Variants in DNAJB13 observed in about 807,000 individuals in gnomAD.
DNAJB13 encodes dnaJ homolog subfamily B member 13.
Under a neutral mutation model 35.6 loss-of-function variants are expected in DNAJB13, and 22 were observed. That is an observed-to-expected ratio of 0.62 (90% CI 0.44 to 0.88). The LOEUF is 0.88. Among genes scored for constraint, DNAJB13 ranks in the 40% least tolerant of loss-of-function variants. The pLI is 0.00. For synonymous variants in DNAJB13, 136 were observed against 144.2 expected (o/e 0.94, Z 0.41); for missense variants, 370 against 384.3 (o/e 0.96, Z 0.31).
intron 3 of DNAJB13, 96 bp downstream of exon 3, chr11:73,959,751 T>C (rs1591184677): frequency 1.7e-6 from 1 of 580,214 alleles, no homozygotes; most frequent in Non-Finnish European, 2.1e-6. Context: ...TTTTACTTTA[T>C]TATTTTATTT....
At position 73,954,037 on chromosome 11, in the gene DNAJB13, A is replaced by ATT. The variant is rs1373411743; in HGVS notation, c.68+2900_68+2901insTT. ...TAATAATAATAATAATAATAATAAT[A>ATT]ATAATGGCTGGACACAGTGGCTCAC... On this transcript the variant is annotated intron_variant, in intron 1 of 7. Transcript: ENST00000339764. Among the ~76,000 whole-genome samples, 329 of 145,496 alleles carry ATT rather than the reference A, an allele frequency of 2.3e-3. 3 individuals are homozygous for ATT. The highest frequency in any genetic ancestry group is 7.8e-3 in the African/African-American group (302 of 38,770).
rs1234978617 is a variant in DNAJB13 at position 73,958,571 on chromosome 11, C to T, written c.172+151C>T. On this transcript the variant is annotated intron_variant, in intron 2 of 7. Transcript: ENST00000339764. ...ACACAGAGAAGACAGAATACGGACC[C>T]GCCTTTCTCAGTAGAAGCAAGCTGA... 1.4e-5 allele frequency: 11 copies of T among 778,774 alleles called. No individual in the cohort carries two copies. In the South Asian group the frequency reaches 1.6e-4, roughly 11 times the overall value. The allele number at this position is 778,774 out of a possible 1,614,324, so 48.2% of individuals were successfully genotyped here.
Position 73,965,009 on chromosome 11 carries a change from A to C in DNAJB13, c.466A>C (p.Thr156Pro), listed in dbSNP as rs1371327065. ...LSLEDLFFGC[T>P]KKIKISRRVL... The stretch of plus-strand genomic sequence containing the variant: ...CCTGGAGGACTTATTCTTTGGCTGC[A>C]CCAAAAAAATTAAGATCTCCAGAAG... Residue 156 changes from threonine (T) to proline (P), a missense_variant, in exon 4 of 8, where the codon ACC (threonine) becomes CCC (proline). Coordinates refer to ENST00000339764, the MANE Select transcript of DNAJB13 (RefSeq NM_153614.4). The C allele has an allele frequency of 6.3e-7, 1 of 1,596,346 alleles. No individual in the cohort carries two copies.
rs368638172 is a variant in DNAJB13 at position 73,966,104 on chromosome 11, A to G, written c.493-34A>G. Reference sequence around the variant, plus strand: ...CTCGACTGTACTCATGGAAGTCCTAAGCAGACCTCCCCACACCTGATATGT... The same window carrying G: ...CTCGACTGTACTCATGGAAGTCCTAGGCAGACCTCCCCACACCTGATATGT... On this transcript the variant is annotated intron_variant, in intron 4 of 7. Transcript: ENST00000339764. 6.3e-6 allele frequency: 10 copies of G among 1,585,324 alleles called. No homozygotes were observed. The African/African-American group carries it at 1.3e-4, about 21-fold the overall frequency.
Position 73,966,036 on chromosome 11 carries a change from G to A in DNAJB13, c.493-102G>A, listed in dbSNP as rs552102773. 85 of 1,031,800 alleles carry A rather than the reference G, an allele frequency of 8.2e-5. No homozygotes were observed. In the African/African-American group the frequency reaches 1.1e-3, roughly 13 times the overall value. 63.9% of individuals were successfully genotyped at this position (1,031,800 alleles called of 1,614,324 possible). On this transcript the variant is annotated intron_variant, in intron 4 of 7. Coordinates refer to ENST00000339764, the MANE Select transcript of DNAJB13 (RefSeq NM_153614.4). ...ACAAATCCCATAGAGCATCTTTCAC[G>A]TGTGCAAAGGTCACCTGAGTGTTCA...
chr11:73,970,194 C>G lies in DNAJB13; in HGVS notation c.*80C>G, dbSNP rs1951242316. 1 of 1,496,824 alleles carries G rather than the reference C, an allele frequency of 6.7e-7. No homozygotes were observed. Among genetic ancestry groups the G allele is most frequent in the Non-Finnish European group, 8.9e-7 (1 of 1,117,642 alleles). The allele number at this position is 1,496,824 out of a possible 1,614,324, so 92.7% of individuals were successfully genotyped here. On this transcript the variant is annotated 3_prime_UTR_variant, in exon 8 of 8. Transcript: ENST00000339764. The stretch of plus-strand genomic sequence containing the variant: ...CTACCCGCCACAGCCTCAGGGTGTG[C>G]AGGGGAGCCTGCTGCACAGATATGA...
chr11:73,953,363 A>G (rs1565166251), intron 1 of DNAJB13, among the ~76,000 whole-genome samples: 1 of 152,160 alleles, frequency 6.6e-6, no homozygotes, highest in African/African-American at 2.4e-5. Context: ...CCTCTCAGAC[A>G]CCGAGTTGTA....
chr11:73,968,034 G>A, intron 5 of DNAJB13: 3 of 493,436 alleles, frequency 6.1e-6, no homozygotes, highest in South Asian at 8.2e-5. Context: ...AGACATACGG[G>A]CAGTTGCCTG....
At chr11:73,966,958 T>C (rs1262596904) in intron 5 of DNAJB13, among the ~76,000 whole-genome samples, 1 of 151,558 alleles carries the variant, frequency 6.6e-6, no homozygotes, top group Non-Finnish European at 1.5e-5. Flanking sequence ...GTTCAAGTTA[T>C]TCTGCTGCCT....
intron 5 of DNAJB13, among the ~76,000 whole-genome samples, chr11:73,966,548 T>C (rs1951122095): frequency 6.6e-6 from 1 of 152,126 alleles, no homozygotes; most frequent in African/African-American, 2.4e-5. Flanking sequence ...ACATGGGAGC[T>C]GAAAGGAGAT....
At chr11:73,965,267 C>T (rs577292785) in intron 4 of DNAJB13, 1 of 406,082 alleles carries the variant, frequency 2.5e-6, no homozygotes, top group Non-Finnish European at 4.3e-6. Flanking sequence ...GCCTTCCCAA[C>T]TGGGACAGGC....
chr11:73,958,357 A>T lies in DNAJB13; in HGVS notation c.109A>T (p.Asn37Tyr). ...LALKHHPLKS[N>Y]EPSSAEIFRQ... ...CCTTAAGCACCACCCGTTGAAGTCA[A>T]ATGAGCCGTCTTCAGCAGAGATTTT... Residue 37 changes from asparagine to tyrosine, a missense_variant, in exon 2 of 8, where the codon AAT becomes TAT. Physicochemically the swap from Asn to Tyr is moderately radical, Grantham distance 143 (BLOSUM62 -2). Coordinates refer to ENST00000339764, the MANE Select transcript of DNAJB13 (RefSeq NM_153614.4). 2 of 1,614,172 alleles carry T rather than the reference A, an allele frequency of 1.2e-6. No individual in the cohort carries two copies. Among genetic ancestry groups the T allele is most frequent in the Non-Finnish European group, 1.7e-6 (2 of 1,180,032 alleles).
intron 3 of DNAJB13, among the ~76,000 whole-genome samples, chr11:73,962,470 T>A (rs11827091): frequency 3.0e-5 from 4 of 135,108 alleles, no homozygotes; most frequent in African/African-American, 1.2e-4. Flanking sequence ...GGTAGGCGGA[T>A]GGATGGCTGG....
At position 73,958,424 on chromosome 11, in the gene DNAJB13, A is replaced by T; in HGVS notation, c.172+4A>T. Reference sequence around the variant, plus strand: ...GCCTACGACGTGCTGAGTGACCGTGAGTAGGTGTGGGGCTGAGCACCCCGC... The same window carrying T: ...GCCTACGACGTGCTGAGTGACCGTGTGTAGGTGTGGGGCTGAGCACCCCGC... On this transcript the variant is annotated splice_donor_region_variant and intron_variant, in intron 2 of 7. Transcript: ENST00000339764. The T allele has an allele frequency of 6.2e-7, 1 of 1,613,820 alleles. No individual in the cohort carries two copies. Among genetic ancestry groups the T allele is most frequent in the South Asian group, 1.1e-5 (1 of 91,062 alleles).
At position 73,964,788 on chromosome 11, in the gene DNAJB13, TGTGTGTGTGTGTGTGTGTGTGTGTGC is replaced by T. The variant is rs1951036680; in HGVS notation, c.335-88_335-63del. 3 of 853,530 alleles carry T rather than the reference TGTGTGTGTGTGTGTGTGTGTGTGTGC, an allele frequency of 3.5e-6. No homozygotes were observed. In the African/African-American group the frequency reaches 7.1e-5, roughly 20 times the overall value. 52.9% of individuals were successfully genotyped at this position (853,530 alleles called of 1,614,324 possible). ...GGCTGTGTGTGTGTGTGTGTGTGTG[TGTGTGTGTGTGTGTGTGTGTGTGTGC>T]GCGCGCGCGCATGTCTGGGTCTCTG... On this transcript the variant is annotated intron_variant, in intron 3 of 7. Coordinates refer to ENST00000339764, the MANE Select transcript of DNAJB13 (RefSeq NM_153614.4).
At chr11:73,966,732 G>A (rs1951126989) in intron 5 of DNAJB13, among the ~76,000 whole-genome samples, 1 of 151,744 alleles carries the variant, frequency 6.6e-6, no homozygotes, top group Non-Finnish European at 1.5e-5. Flanking sequence ...AGGCTGGAGT[G>A]AGGTGGCATG....
At chr11:73,967,913 G>A (rs1177929447) in intron 5 of DNAJB13, 3 of 252,496 alleles carry the variant, frequency 1.2e-5, no homozygotes, top group Non-Finnish European at 2.2e-5. Context: ...CAGTGTTAGG[G>A]GCCAGTCTGA....
rs760309852 is a variant in DNAJB13 at position 73,964,808 on chromosome 11, T to TGCGCGCGC, written c.335-69_335-68insCGCGCGCG. Reference sequence around the variant, plus strand: ...GTGTGTGTGTGTGTGTGTGTGTGTGTGTGTGCGCGCGCGCGCATGTCTGGG... The same window carrying TGCGCGCGC: ...GTGTGTGTGTGTGTGTGTGTGTGTGTGCGCGCGCGTGTGCGCGCGCGCGCATGTCTGGG... On this transcript the variant is annotated intron_variant, in intron 3 of 7. Coordinates refer to ENST00000339764, the MANE Select transcript of DNAJB13 (RefSeq NM_153614.4). The TGCGCGCGC allele has an allele frequency of 3.9e-5, 28 of 726,608 alleles. No individual in the cohort carries two copies. In the African/African-American group the frequency reaches 5.1e-4, roughly 13 times the overall value. The allele number at this position is 726,608 out of a possible 1,614,324, so 45.0% of individuals were successfully genotyped here. A position where few individuals can be genotyped will look rare whatever the true frequency, so the allele number is the denominator to read the frequency against.
intron 1 of DNAJB13, among the ~76,000 whole-genome samples, chr11:73,955,507 C>T (rs1159533717): frequency 6.6e-6 from 1 of 151,896 alleles, no homozygotes; most frequent in African/African-American, 2.4e-5. Context: ...CGGGGTTTCA[C>T]CATGTTGGCC....
Sources: gnomAD v4.1 joint callset for allele counts (sites outside exome capture counted in the v4.1 genomes callset) on GRCh38, gnomAD v4.1.1 for gene constraint, MANE v1.5 for transcripts, NCBI Gene and HGNC (gene_info 2026-07-23, HGNC 2026-07-21) for gene names.